ZFAND3: variants seen among roughly 807,000 people sequenced by gnomAD.
The protein encoded by ZFAND3 is zinc finger AN1-type containing 3, also known as AN1-type zinc finger protein 3.
A neutral mutation model predicts 29.6 loss-of-function variants in ZFAND3; 10 were observed. That is an observed-to-expected ratio of 0.34 (90% confidence interval 0.21 to 0.57). The LOEUF is 0.57. ZFAND3 is among the 20% of genes least tolerant of loss of function. The probability of loss-of-function intolerance (pLI) is 0.86; values close to 1 mark genes in which losing one functional copy is unlikely to be tolerated. For missense variants in ZFAND3, 230 were observed against 304.5 expected (o/e 0.76, Z 1.82); for synonymous variants, 128 against 112.6 (o/e 1.14, Z -0.87).
chr6:37,952,172 G>A (rs1000013551), intron 2 of ZFAND3, among the ~76,000 whole-genome samples: 7 of 152,066 alleles, frequency 4.6e-5, no homozygotes, highest in African/African-American at 1.7e-4. Context: ...TCATTTTTGT[G>A]TGTGTCTCGG....
intron 1 of ZFAND3, among the ~76,000 whole-genome samples, chr6:37,831,506 A>G (rs1763861583): frequency 6.6e-6 from 1 of 152,226 alleles, no homozygotes; most frequent in Non-Finnish European, 1.5e-5. Flanking sequence ...ACGGTCTAGA[A>G]GGGGAGATGG....
intron 4 of ZFAND3, among the ~76,000 whole-genome samples, chr6:38,091,339 T>TA (rs991102009): frequency 2.0e-5 from 3 of 152,054 alleles, no homozygotes; most frequent in African/African-American, 7.2e-5. Flanking sequence ...GTTGCATTCT[T>TA]ACCAAGGAGA....
intron 5 of ZFAND3, among the ~76,000 whole-genome samples, chr6:38,134,795 C>T (rs1262590569): frequency 6.6e-6 from 1 of 152,242 alleles, no homozygotes; most frequent in East Asian, 1.9e-4. Context: ...CTCACCACTT[C>T]ACATTTTGCT....
At chr6:38,131,331 T>C (rs1284431027) in intron 5 of ZFAND3, among the ~76,000 whole-genome samples, 3 of 152,252 alleles carry the variant, frequency 2.0e-5, no homozygotes, top group African/African-American at 7.2e-5. Context: ...TTTCTTCTTC[T>C]GGGTTTGTGA....
rs537978310 is a variant in ZFAND3, at chr6:38,108,906, C to T, written c.362-7666C>T. On this transcript the variant is annotated intron_variant, in intron 4 of 5. Transcript: ENST00000287218. ...TGAATCTGAATGGAGTGTACACAGG[C>T]GCTTAGTGTATTATTCATTAACCTT... Among the ~76,000 whole-genome samples, 175 of 152,154 alleles carry T rather than the reference C, an allele frequency of 1.2e-3. 1 individual carries two copies. In the Middle Eastern group the frequency reaches 0.014, roughly 12 times the overall value.
intron 2 of ZFAND3, among the ~76,000 whole-genome samples, chr6:37,930,899 A>G (rs892432988): frequency 1.3e-5 from 2 of 152,184 alleles, no homozygotes; most frequent in Admixed American, 6.5e-5. Context: ...CACTTTTGCA[A>G]TAGGGAAGAG....
intron 2 of ZFAND3, among the ~76,000 whole-genome samples, chr6:37,957,965 AT>A (rs1447486684): frequency 1.3e-5 from 2 of 152,208 alleles, no homozygotes; most frequent in African/African-American, 4.8e-5. Flanking sequence ...GTGTACACAA[AT>A]CAAATAGAGG....
intron 2 of ZFAND3, among the ~76,000 whole-genome samples, chr6:37,964,383 G>T (rs957113192): frequency 6.6e-6 from 1 of 152,200 alleles, no homozygotes; most frequent in Admixed American, 6.6e-5. Flanking sequence ...TTCTGAGAGA[G>T]GCAGAGGGAG....
chr6:37,873,426 G>C lies in ZFAND3; in HGVS notation c.71+53410G>C, dbSNP rs979634384. Among the ~76,000 whole-genome samples the C allele has an allele frequency of 1.1e-4, 16 of 152,184 alleles. No homozygotes were observed. In the East Asian group the frequency reaches 1.3e-3, roughly 13 times the overall value. On this transcript the variant is annotated intron_variant, in intron 1 of 5. Coordinates refer to ENST00000287218, the MANE Select transcript of ZFAND3 (RefSeq NM_021943.3). ...TTCATACATAATCACTTGTTTGCTT[G>C]CTTGCTAGAGCCTGTCGAATTTTAT...
chr6:38,135,792 T>C (rs1765830806), intron 5 of ZFAND3, among the ~76,000 whole-genome samples: 1 of 151,956 alleles, frequency 6.6e-6, no homozygotes, highest in African/African-American at 2.4e-5. Context: ...GTGAGCTGTG[T>C]AGACAGATGA....
chr6:37,900,031 A>G (rs1581745904), intron 1 of ZFAND3, among the ~76,000 whole-genome samples: 3 of 152,176 alleles, frequency 2.0e-5, no homozygotes, highest in South Asian at 2.1e-4. Flanking sequence ...ATTGTTTTAT[A>G]TCAGTATATG....
At chr6:37,930,511 A>ATAG (rs1761574649) in intron 2 of ZFAND3, among the ~76,000 whole-genome samples, 1 of 152,132 alleles carries the variant, frequency 6.6e-6, no homozygotes, top group Non-Finnish European at 1.5e-5. Flanking sequence ...CCTGGGCAAC[A>ATAG]TAGTGAGACC....
At chr6:37,870,921 G>A (rs773500975) in intron 1 of ZFAND3, among the ~76,000 whole-genome samples, 16 of 151,994 alleles carry the variant, frequency 1.1e-4, no homozygotes, top group African/African-American at 3.1e-4. Flanking sequence ...TGTCTTTTTC[G>A]TTGTTGACCA....
intron 2 of ZFAND3, among the ~76,000 whole-genome samples, chr6:38,060,221 A>G (rs566550343): frequency 1.3e-5 from 2 of 152,258 alleles, no homozygotes; most frequent in South Asian, 4.1e-4. Flanking sequence ...CCCTGTGTAT[A>G]CTAAGGGACG....
At position 37,901,654 on chromosome 6, in the gene ZFAND3, T is replaced by C. The variant is rs910231816; in HGVS notation, c.72-28305T>C. Among the ~76,000 whole-genome samples, 3 of 152,292 alleles carry C rather than the reference T, an allele frequency of 2.0e-5. No homozygotes were observed. In the South Asian group the frequency reaches 6.2e-4, roughly 32 times the overall value. ...AAAAAGGATGTGTTTGTCTTTCTAATATGGAAATGAAATCATCAATTACTA... is the reference window on the plus strand; with the variant it reads ...AAAAAGGATGTGTTTGTCTTTCTAACATGGAAATGAAATCATCAATTACTA... On this transcript the variant is annotated intron_variant, in intron 1 of 5. Transcript: ENST00000287218.
chr6:38,003,785 C>A (rs748724593), intron 2 of ZFAND3: 90 of 450,462 alleles, frequency 2.0e-4, no homozygotes, highest in Non-Finnish European at 2.1e-4. Flanking sequence ...GGATTACAGG[C>A]GAGAGCTACA....
intron 2 of ZFAND3, among the ~76,000 whole-genome samples, chr6:38,049,970 G>GATTTTTTATTTTTTT (rs1203997629): frequency 2.8e-4 from 2 of 7,256 alleles, no homozygotes; most frequent in Non-Finnish European, 6.6e-4. Flanking sequence ...TTTTTTTTTG[G>GATTTTTTATTTTTTT]GGGAGACAGA....
At chr6:37,963,948 A>C (rs1762246361) in intron 2 of ZFAND3, among the ~76,000 whole-genome samples, 1 of 152,122 alleles carries the variant, frequency 6.6e-6, no homozygotes, top group Admixed American at 6.5e-5. Context: ...TTATTTTACA[A>C]ATCCTACTTT....
chr6:38,103,497 GTATATATATACACGTGTA>G (rs1562000439), intron 4 of ZFAND3, among the ~76,000 whole-genome samples: 19 of 11,124 alleles, frequency 1.7e-3, no homozygotes, highest in Non-Finnish European at 1.6e-3. Context: ...ATATACACGT[GTATATATATACACGTGTA>G]TATATACACA....
Sources: gnomAD v4.1 joint callset for allele counts (sites outside exome capture counted in the v4.1 genomes callset) on GRCh38, gnomAD v4.1.1 for gene constraint, MANE v1.5 for transcripts, NCBI Gene and HGNC (gene_info 2026-07-23, HGNC 2026-07-21) for gene names.